The following GOLM2 variants were observed in gnomAD, a reference collection of about 807,000 sequenced individuals.
The protein encoded by GOLM2 is golgi membrane protein 2, also known as protein GOLM2.
A neutral mutation model predicts 55.9 loss-of-function variants in GOLM2; 26 were observed. That is an observed-to-expected ratio of 0.47 (90% CI 0.34 to 0.65). The LOEUF (loss-of-function observed/expected upper bound fraction) is 0.65, where lower values mean the gene tolerates loss of function less well. Ranked by LOEUF, GOLM2 falls within the 30% of genes least tolerant of loss-of-function variation. The pLI is 0.01. For missense variants in GOLM2, 486 were observed against 531.8 expected, an observed-to-expected ratio of 0.91 and a Z score of 0.85; for synonymous variants, 165 against 194.6, an observed-to-expected ratio of 0.85 and a Z score of 1.27.
chr15:44,337,931 T>C (rs200296350), intron 5 of GOLM2, 24 bp downstream of exon 5: 1 of 1,565,636 alleles, frequency 6.4e-7, no homozygotes, highest in Non-Finnish European at 8.6e-7. Flanking sequence ...TATTCTTTTG[T>C]TTTGTATTAA....
chr15:44,297,689 G>A (rs1304365215), intron 1 of GOLM2, among the ~76,000 whole-genome samples: 1 of 151,148 alleles, frequency 6.6e-6, no homozygotes, highest in Non-Finnish European at 1.5e-5. Context: ...AGCCTCCTGA[G>A]TAGCTAGGAC....
At chr15:44,327,696 T>C (rs1354364682) in intron 2 of GOLM2, among the ~76,000 whole-genome samples, 1 of 152,218 alleles carries the variant, frequency 6.6e-6, no homozygotes, top group East Asian at 1.9e-4. Context: ...TTCACTCTTT[T>C]CCGCCTGCAT....
intron 6 of GOLM2, among the ~76,000 whole-genome samples, chr15:44,366,367 A>T (rs1732022928): frequency 6.6e-6 from 1 of 151,862 alleles, no homozygotes; most frequent in African/African-American, 2.4e-5. Context: ...AATTAAAGAG[A>T]GGCCAGGCTC....
intron 6 of GOLM2, among the ~76,000 whole-genome samples, chr15:44,357,442 A>G (rs575052911): frequency 6.6e-6 from 1 of 152,226 alleles, no homozygotes; most frequent in Non-Finnish European, 1.5e-5. Context: ...TCTACAAGTA[A>G]CAACATACCT....
chr15:44,388,632 C>T (rs2079465314), intron 8 of GOLM2, among the ~76,000 whole-genome samples: 1 of 152,122 alleles, frequency 6.6e-6, no homozygotes, highest in Non-Finnish European at 1.5e-5. Flanking sequence ...CATGATCGTG[C>T]CACTGCACTC....
At chr15:44,333,686 A>G (rs185747715) in intron 4 of GOLM2, among the ~76,000 whole-genome samples, 10 of 152,224 alleles carry the variant, frequency 6.6e-5, no homozygotes, top group African/African-American at 1.7e-4. Context: ...TAAGCGTAGT[A>G]TATAAATAAT....
intron 1 of GOLM2, among the ~76,000 whole-genome samples, chr15:44,294,517 AGCCTGGCT>A (rs916072459): frequency 1.3e-5 from 2 of 152,174 alleles, no homozygotes; most frequent in African/African-American, 4.8e-5. Context: ...GTTCGAGACC[AGCCTGGCT>A]AGCATGGTGA....
intron 8 of GOLM2, among the ~76,000 whole-genome samples, chr15:44,394,973 A>T (rs1472761254): frequency 6.6e-6 from 1 of 152,078 alleles, no homozygotes; most frequent in Non-Finnish European, 1.5e-5. Context: ...TTTGCTTACA[A>T]TAGTGGTAAT....
At chr15:44,356,394 G>A (rs975665244) in intron 6 of GOLM2, among the ~76,000 whole-genome samples, 1 of 152,072 alleles carries the variant, frequency 6.6e-6, no homozygotes, top group Non-Finnish European at 1.5e-5. Context: ...ATGAAAGAGG[G>A]TTATCACTAC....
At chr15:44,306,121 T>C (rs1056193906) in intron 1 of GOLM2, among the ~76,000 whole-genome samples, 5 of 152,346 alleles carry the variant, frequency 3.3e-5, no homozygotes, top group African/African-American at 1.2e-4. Context: ...TATTGACTTC[T>C]CTGCAGCTAT....
chr15:44,338,437 C>G, intron 6 of GOLM2, 120 bp downstream of exon 6: 2 of 708,564 alleles, frequency 2.8e-6, no homozygotes, highest in Non-Finnish European at 4.6e-6. Flanking sequence ...GATATTTCTA[C>G]TTAATTAAGT....
chr15:44,407,151 TATA>T (rs1173012213), intron 9 of GOLM2, among the ~76,000 whole-genome samples: 7 of 146,832 alleles, frequency 4.8e-5, no homozygotes, highest in Non-Finnish European at 1.1e-4. Flanking sequence ...GTTATATATT[TATA>T]ATATATTTCT....
At position 44,288,903 on chromosome 15, in the gene GOLM2, C is replaced by A; in HGVS notation, c.-127C>A. The A allele has an allele frequency of 1.2e-6, 1 of 824,542 alleles. No homozygotes were observed. Among genetic ancestry groups the A allele is most frequent in the Non-Finnish European group, 1.8e-6 (1 of 542,116 alleles). 51.1% of individuals were successfully genotyped at this position (824,542 alleles called of 1,614,324 possible). A position where few individuals can be genotyped will look rare whatever the true frequency, so the allele number is the denominator to read the frequency against. ...CCCCCTTCTCCGGCTCGCAGCCGAC[C>A]GGTAAGCCCGCCTCCTCCCTCGGCC... On this transcript the variant is annotated 5_prime_UTR_variant, in exon 1 of 10. Transcript: ENST00000299957.
intron 1 of GOLM2, among the ~76,000 whole-genome samples, chr15:44,290,796 T>C (rs2078715317): frequency 6.6e-6 from 1 of 151,460 alleles, no homozygotes; most frequent in Non-Finnish European, 1.5e-5. Flanking sequence ...TTGTTGTCGT[T>C]GTTGTTGTTG....
rs201283590 is a variant in GOLM2, at chr15:44,379,691, T to C, written c.804T>C (p.Ala268=). 5 of 1,561,880 alleles carry C rather than the reference T, an allele frequency of 3.2e-6. No homozygotes were observed. The South Asian group carries it at 5.6e-5, about 17-fold the overall frequency. ...ATGGATTTATTTTTTTTCTTCTAGCTTTAAGGAAGCCTCCTATTTCAGTTT... is the reference window on the plus strand; with the variant it reads ...ATGGATTTATTTTTTTTCTTCTAGCCTTAAGGAAGCCTCCTATTTCAGTTT... ...DLAKVDDLPP[A]LRKPPISVSQ... Residue 268 remains alanine, a splice_region_variant and synonymous_variant, in exon 7 of 10, where the codon GCT becomes GCC. Coordinates refer to ENST00000299957, the MANE Select transcript of GOLM2 (RefSeq NM_138423.4).
chr15:44,327,339 G>A (rs2141135503), intron 2 of GOLM2, among the ~76,000 whole-genome samples: 1 of 151,574 alleles, frequency 6.6e-6, no homozygotes, highest in East Asian at 2.0e-4. Context: ...AGGATCGCTT[G>A]AGCTCAGGAG....
intron 9 of GOLM2, among the ~76,000 whole-genome samples, chr15:44,407,358 T>C (rs2079604508): frequency 6.6e-6 from 1 of 150,700 alleles, no homozygotes; most frequent in Non-Finnish European, 1.5e-5. Flanking sequence ...CTCGACCTCC[T>C]GGGGTCAAGT....
At chr15:44,391,819 A>C (rs946983597) in intron 8 of GOLM2, among the ~76,000 whole-genome samples, 53 of 152,126 alleles carry the variant, frequency 3.5e-4, no homozygotes, top group African/African-American at 1.3e-3. Context: ...TTGGTACCTA[A>C]ATGGTTTCAT....
chr15:44,328,647 T>A, intron 2 of GOLM2, 38 bp from the exon 3 acceptor site: 1 of 1,419,906 alleles, frequency 7.0e-7, no homozygotes, highest in Non-Finnish European at 9.8e-7. Context: ...TTACAATGAG[T>A]GAACTTGATT....
Sources: allele counts gnomAD v4.1 joint callset (sites outside exome capture counted in the v4.1 genomes callset), GRCh38; gene constraint gnomAD v4.1.1; transcripts MANE v1.5; gene names NCBI Gene and HGNC (gene_info 2026-07-23, HGNC 2026-07-21).